VSTM2B: variants seen among roughly 807,000 people sequenced by gnomAD.
VSTM2B encodes V-set and transmembrane domain-containing protein 2B.
In VSTM2B, 24 loss-of-function variants were observed where a neutral mutation model predicts 24.0. That is an observed-to-expected ratio of 1.00 (90% CI 0.72 to 1.40). VSTM2B has a LOEUF of 1.40. VSTM2B is among the 40% of genes most tolerant of loss of function. VSTM2B has a pLI of 0.00. For missense variants in VSTM2B, 399 were observed against 416.4 expected, an observed-to-expected ratio of 0.96 and a Z score of 0.36; for synonymous variants, 226 against 194.4, an observed-to-expected ratio of 1.16 and a Z score of -1.35.
rs66673260 is a variant in VSTM2B, at chr19:29,546,675, CA to C, written c.769+16386del. ...CTCGCCGTCCCCGCTGGGGAGCCCC[CA>C]CCCCCACCCCGGTGCTCACTGCAGT... On this transcript the variant is annotated intron_variant, in intron 4 of 4. Coordinates refer to ENST00000335523, the MANE Select transcript of VSTM2B (RefSeq NM_001146339.2). Among the ~76,000 whole-genome samples, 264 of 150,814 alleles carry C rather than the reference CA, an allele frequency of 1.8e-3. 3 individuals are homozygous for C. The highest frequency in any genetic ancestry group is 6.8e-3 in the Middle Eastern group (2 of 292).
intron 4 of VSTM2B, among the ~76,000 whole-genome samples, chr19:29,538,972 G>T (rs1969961879): frequency 6.6e-6 from 1 of 152,116 alleles, no homozygotes; most frequent in South Asian, 2.1e-4. Flanking sequence ...GGGGCTGATG[G>T]AGCTCAGAAA....
intron 4 of VSTM2B, among the ~76,000 whole-genome samples, chr19:29,541,526 G>A (rs1267829588): frequency 1.3e-5 from 2 of 152,092 alleles, no homozygotes; most frequent in Admixed American, 1.3e-4. Flanking sequence ...ATGAGTGGAT[G>A]AATTGGAGAA....
chr19:29,555,274 T>C (rs1599904834), intron 4 of VSTM2B, among the ~76,000 whole-genome samples: 1 of 152,032 alleles, frequency 6.6e-6, no homozygotes, highest in African/African-American at 2.4e-5. Context: ...CACACGACCA[T>C]ATGAAAATGG....
intron 4 of VSTM2B, among the ~76,000 whole-genome samples, chr19:29,551,877 A>T (rs1427246657): frequency 1.3e-5 from 2 of 152,200 alleles, no homozygotes; most frequent in Admixed American, 6.5e-5. Flanking sequence ...CCAGGAACAC[A>T]GATGTCTCCA....
chr19:29,563,771 G>T (rs938004964), intron 4 of VSTM2B, 75 bp from the exon 5 acceptor site: 3 of 1,379,572 alleles, frequency 2.2e-6, no homozygotes, highest in Non-Finnish European at 3.0e-6. Context: ...AAGCCTCACT[G>T]TTCCTGGTCT....
chr19:29,558,720 TAGGAGGGAGAGCATC>T (rs1193348679), intron 4 of VSTM2B, among the ~76,000 whole-genome samples: 1 of 151,896 alleles, frequency 6.6e-6, no homozygotes, highest in Non-Finnish European at 1.5e-5. Context: ...GTGGGGAGGT[TAGGAGGGAGAGCATC>T]AGGATAAATA....
chr19:29,539,742 C>T (rs971160774), intron 4 of VSTM2B, among the ~76,000 whole-genome samples: 1 of 152,244 alleles, frequency 6.6e-6, no homozygotes, highest in Admixed American at 6.5e-5. Flanking sequence ...CACTTGGCAC[C>T]GAGGCTAGTG....
intron 3 of VSTM2B, 92 bp downstream of exon 3, chr19:29,528,554 G>T: frequency 6.8e-7 from 1 of 1,461,020 alleles, no homozygotes; most frequent in South Asian, 1.2e-5. Flanking sequence ...CGGCGGCCGC[G>T]CATGTGGGGC....
chr19:29,554,522 A>T (rs748986693), intron 4 of VSTM2B, among the ~76,000 whole-genome samples: 32 of 152,202 alleles, frequency 2.1e-4, no homozygotes, highest in Admixed American at 7.9e-4. Flanking sequence ...AAGTCTGCAA[A>T]ATAACCAACC....
In VSTM2B at chr19:29,556,271, G is replaced by A. The variant is rs71363985; in HGVS notation, c.770-7575G>A. On this transcript the variant is annotated intron_variant, in intron 4 of 4. Transcript: ENST00000335523. Reference sequence around the variant, plus strand: ...CACAAAACATAATTCTAAACAGAACGAAAGACCAAAACCACATGATTATCT... The same window carrying A: ...CACAAAACATAATTCTAAACAGAACAAAAGACCAAAACCACATGATTATCT... 4.1e-3 allele frequency among the ~76,000 whole-genome samples: 620 copies of A among 151,928 alleles called. 5 individuals carry two copies. The highest frequency in any genetic ancestry group is 0.022 in the South Asian group (106 of 4,814).
chr19:29,563,091 C>G (rs1170144748), intron 4 of VSTM2B, among the ~76,000 whole-genome samples: 1 of 152,102 alleles, frequency 6.6e-6, no homozygotes, highest in African/African-American at 2.4e-5. Flanking sequence ...GAGTGTGAAG[C>G]TGTGCAGTTT....
At chr19:29,547,031 A>G (rs1310416438) in intron 4 of VSTM2B, among the ~76,000 whole-genome samples, 1 of 152,160 alleles carries the variant, frequency 6.6e-6, no homozygotes, top group Non-Finnish European at 1.5e-5. Flanking sequence ...AGGTGTACAC[A>G]GGGGCCAGAC....
At chr19:29,559,248 G>A (rs568175154) in intron 4 of VSTM2B, among the ~76,000 whole-genome samples, 155 of 152,336 alleles carry the variant, frequency 1.0e-3, no homozygotes, top group Middle Eastern at 3.4e-3. Context: ...TAAAGAAAAT[G>A]TGGCACATAT....
chr19:29,558,065 CATTT>C (rs1047904561), intron 4 of VSTM2B, among the ~76,000 whole-genome samples: 31 of 151,996 alleles, frequency 2.0e-4, no homozygotes, highest in Admixed American at 3.3e-4. Context: ...CAAAAGAAAA[CATTT>C]ATGCAGCCAA....
intron 4 of VSTM2B, among the ~76,000 whole-genome samples, chr19:29,561,575 A>G (rs1227661128): frequency 6.6e-6 from 1 of 152,148 alleles, no homozygotes; most frequent in Non-Finnish European, 1.5e-5. Flanking sequence ...CAGTGAGCTG[A>G]GATTGCACCA....
At chr19:29,527,083 G>T in intron 1 of VSTM2B, 128 bp from the exon 2 acceptor site, 1 of 837,956 alleles carries the variant, frequency 1.2e-6, no homozygotes, top group Non-Finnish European at 1.8e-6. Flanking sequence ...CTCCGGCCGT[G>T]CGCCAGGGAG....
intron 4 of VSTM2B, among the ~76,000 whole-genome samples, chr19:29,537,473 G>A (rs937584349): frequency 6.6e-6 from 1 of 152,148 alleles, no homozygotes; most frequent in Non-Finnish European, 1.5e-5. Context: ...TTGAGAGACA[G>A]ACCTTGTGCA....
intron 4 of VSTM2B, among the ~76,000 whole-genome samples, chr19:29,551,705 C>T (rs1232307001): frequency 2.0e-5 from 3 of 152,198 alleles, no homozygotes; most frequent in Non-Finnish European, 4.4e-5. Context: ...CCTCACCTCT[C>T]AAGCAGCCTG....
chr19:29,534,664 C>T (rs1190982328), intron 4 of VSTM2B, among the ~76,000 whole-genome samples: 4 of 150,646 alleles, frequency 2.7e-5, no homozygotes, highest in African/African-American at 9.8e-5. Flanking sequence ...TGAAGTGAGC[C>T]GAGATCGCGC....
Sources: gnomAD v4.1 joint callset for allele counts (sites outside exome capture counted in the v4.1 genomes callset) on GRCh38, gnomAD v4.1.1 for gene constraint, MANE v1.5 for transcripts, NCBI Gene and HGNC (gene_info 2026-07-23, HGNC 2026-07-21) for gene names.